Variants in MAGI2 observed in about 807,000 individuals in gnomAD.
MAGI2 encodes membrane-associated guanylate kinase, WW and PDZ domain-containing protein 2.
Under a neutral mutation model 133.3 loss-of-function variants are expected in MAGI2, and 35 were observed. The observed-to-expected ratio is 0.26, with a 90% confidence interval of 0.20 to 0.35. The LOEUF is 0.35. Among genes scored for constraint, MAGI2 ranks in the 10% least tolerant of loss-of-function variants. The pLI is 1.00. For missense variants in MAGI2, 1,636 were observed against 1,863.4 expected (o/e 0.88, Z 2.25); for synonymous variants, 729 against 710.6 (o/e 1.03, Z -0.41).
In MAGI2 at chr7:78,325,597, C is replaced by A. The variant is rs368337429; in HGVS notation, c.1408+18181G>T. Among the ~76,000 whole-genome samples, 7 of 152,318 alleles carry A rather than the reference C, an allele frequency of 4.6e-5. No individual in the cohort carries two copies. The East Asian group carries it at 1.4e-3, about 29-fold the overall frequency. ...TGGTCCAGATATTTGTCCTTTCATT[C>A]CTGTTTTTCTTCTCATGGTTGTTAG... On this transcript the variant is annotated intron_variant, in intron 9 of 21. Transcript: ENST00000354212.
chr7:78,381,867 C>G (rs1233165010), intron 6 of MAGI2, among the ~76,000 whole-genome samples: 64 of 152,178 alleles, frequency 4.2e-4, no homozygotes, highest in Admixed American at 4.1e-3. Context: ...GGTACAACCT[C>G]TAGGAGGAGA....
At chr7:78,547,650 C>T (rs1025941884) in intron 3 of MAGI2, among the ~76,000 whole-genome samples, 2 of 152,120 alleles carry the variant, frequency 1.3e-5, no homozygotes, top group Admixed American at 6.6e-5. Flanking sequence ...TCACAAGGCA[C>T]GCGCGCACAC....
At chr7:79,079,706 AT>A (rs1399715810) in intron 1 of MAGI2, among the ~76,000 whole-genome samples, 1 of 152,144 alleles carries the variant, frequency 6.6e-6, no homozygotes, top group Non-Finnish European at 1.5e-5. Flanking sequence ...AGATTCAAAA[AT>A]TTCTAAATAG....
At chr7:78,331,848 G>A (rs1215017538) in intron 9 of MAGI2, among the ~76,000 whole-genome samples, 1 of 152,152 alleles carries the variant, frequency 6.6e-6, no homozygotes, top group South Asian at 2.1e-4. Context: ...GGGCCAGTGA[G>A]CCTTAGTGCA....
chr7:78,469,184 C>T (rs1790941002), intron 6 of MAGI2, among the ~76,000 whole-genome samples: 1 of 152,092 alleles, frequency 6.6e-6, no homozygotes, highest in Non-Finnish European at 1.5e-5. Context: ...TTATTAATTT[C>T]CATATGAAAA....
chr7:79,215,910 T>C (rs1271390955), intron 1 of MAGI2, among the ~76,000 whole-genome samples: 1 of 151,844 alleles, frequency 6.6e-6, no homozygotes, highest in Non-Finnish European at 1.5e-5. Context: ...TATATATATA[T>C]TCCATGACAT....
chr7:79,326,350 G>C (rs116879508), intron 1 of MAGI2, among the ~76,000 whole-genome samples: 3 of 152,054 alleles, frequency 2.0e-5, no homozygotes, highest in African/African-American at 7.2e-5. Flanking sequence ...AAAAAAACTA[G>C]ACTACCACAT....
At chr7:78,788,583 C>CAA (rs570892265) in intron 2 of MAGI2, among the ~76,000 whole-genome samples, 2 of 139,254 alleles carry the variant, frequency 1.4e-5, no homozygotes, top group Admixed American at 1.4e-4. Flanking sequence ...CTTTGCTTAT[C>CAA]AAAAAAAAAA....
Position 78,776,023 on chromosome 7 carries a change from T to C in MAGI2, c.419-148784A>G, listed in dbSNP as rs189548323. On this transcript the variant is annotated intron_variant, in intron 2 of 21. Transcript: ENST00000354212. Reference sequence around the variant, plus strand: ...AAGCCTTTCTCTGTCATTTGTGGGCTGTGTGACCAAAGGCAAGTCATCCAA... The same window carrying C: ...AAGCCTTTCTCTGTCATTTGTGGGCCGTGTGACCAAAGGCAAGTCATCCAA... 1.7e-3 allele frequency among the ~76,000 whole-genome samples: 255 copies of C among 152,356 alleles called. 1 individual carries two copies. The highest frequency in any genetic ancestry group is 5.9e-3 in the African/African-American group (245 of 41,590).
intron 1 of MAGI2, among the ~76,000 whole-genome samples, chr7:79,020,627 A>C (rs990114673): frequency 8.6e-5 from 13 of 152,036 alleles, no homozygotes; most frequent in Admixed American, 3.9e-4. Flanking sequence ...TTAGCTGGAC[A>C]TGGTGGCGGG....
chr7:78,246,625 T>A (rs1791819941), intron 10 of MAGI2, among the ~76,000 whole-genome samples: 1 of 152,174 alleles, frequency 6.6e-6, no homozygotes, highest in African/African-American at 2.4e-5. Flanking sequence ...AAGCAATTGC[T>A]GCACTCTGCT....
At chr7:79,093,738 G>C (rs1817288446) in intron 1 of MAGI2, among the ~76,000 whole-genome samples, 1 of 130,356 alleles carries the variant, frequency 7.7e-6, no homozygotes, top group Non-Finnish European at 1.7e-5. Context: ...TTTTTAGATG[G>C]AGTTTTGTTC....
chr7:78,581,469 G>T (rs780429770), intron 3 of MAGI2, among the ~76,000 whole-genome samples: 7 of 152,208 alleles, frequency 4.6e-5, no homozygotes, highest in Non-Finnish European at 1.5e-5. Context: ...TTAGAACTTT[G>T]ACTGTAAATC....
At chr7:79,406,987 A>T (rs1845849705) in intron 1 of MAGI2, among the ~76,000 whole-genome samples, 1 of 152,174 alleles carries the variant, frequency 6.6e-6, no homozygotes, top group African/African-American at 2.4e-5. Flanking sequence ...TAATTGTCCA[A>T]GTACCCCTCC....
intron 9 of MAGI2, among the ~76,000 whole-genome samples, chr7:78,329,745 G>T (rs1788978357): frequency 6.6e-6 from 1 of 152,118 alleles, no homozygotes; most frequent in East Asian, 1.9e-4. Flanking sequence ...TGAAGATTAG[G>T]TTACTGATCT....
At position 78,225,216 on chromosome 7, in the gene MAGI2, GT is replaced by G. The variant is rs1212879017; in HGVS notation, c.2048-24024del. ...ACCCCCTTATTTTCTGAGATTCCAAGTTTTTGTTTATCCCCGTGAGCAGGTT... is the reference window on the plus strand; with the variant it reads ...ACCCCCTTATTTTCTGAGATTCCAAGTTTTGTTTATCCCCGTGAGCAGGTT... On this transcript the variant is annotated intron_variant, in intron 10 of 21. Transcript: ENST00000354212. Among the ~76,000 whole-genome samples, 3 of 152,144 alleles carry G rather than the reference GT, an allele frequency of 2.0e-5. 1 individual carries two copies. Among genetic ancestry groups the G allele is most frequent in the Admixed American group, 2.0e-4 (3 of 15,284 alleles).
chr7:79,250,273 G>A (rs1013824429), intron 1 of MAGI2, among the ~76,000 whole-genome samples: 1 of 151,232 alleles, frequency 6.6e-6, no homozygotes, highest in African/African-American at 2.4e-5. Flanking sequence ...TATTCAACAT[G>A]GTATTGGAAG....
intron 2 of MAGI2, among the ~76,000 whole-genome samples, chr7:78,948,751 T>C (rs923529756): frequency 4.6e-5 from 7 of 152,080 alleles, no homozygotes; most frequent in African/African-American, 1.7e-4. Flanking sequence ...CTAAATAACT[T>C]AGAAGCATGA....
chr7:78,782,388 C>T (rs751859255), intron 2 of MAGI2, among the ~76,000 whole-genome samples: 1 of 151,998 alleles, frequency 6.6e-6, no homozygotes, highest in Admixed American at 6.6e-5. Flanking sequence ...AGAGTCAGTG[C>T]GGGGCAGGTG....
Sources: allele counts gnomAD v4.1 joint callset (sites outside exome capture counted in the v4.1 genomes callset), GRCh38; gene constraint gnomAD v4.1.1; transcripts MANE v1.5; gene names NCBI Gene and HGNC (gene_info 2026-07-23, HGNC 2026-07-21).